CMSS1: variants seen among roughly 807,000 people sequenced by gnomAD.
CMSS1 encodes protein CMSS1.
CMSS1 carries 33 observed loss-of-function variants against 43.5 expected under a neutral mutation model. That is an observed-to-expected ratio of 0.76 (90% CI 0.57 to 1.01). The LOEUF (loss-of-function observed/expected upper bound fraction) is 1.01, where lower values mean the gene tolerates loss of function less well. Among genes scored for constraint, CMSS1 ranks in the 50% least tolerant of loss-of-function variants. CMSS1 has a pLI of 0.00. For synonymous variants in CMSS1, 115 were observed against 117.2 expected (o/e 0.98, Z 0.12); for missense variants, 313 against 326.4 (o/e 0.96, Z 0.32).
rs1018584534 is a variant in CMSS1, at chr3:99,937,185, G to A, written c.64+119142G>A. Among the ~76,000 whole-genome samples, 9 of 152,020 alleles carry A rather than the reference G, an allele frequency of 5.9e-5. No individual in the cohort carries two copies. The East Asian group carries it at 9.6e-4, about 16-fold the overall frequency. On this transcript the variant is annotated intron_variant, in intron 1 of 9. Transcript: ENST00000421999. ...ACTCCTGACCACAGGTGATCCACCC[G>A]CCTCAGCCTCCCAAAGTGCTGGGAT... is the stretch of plus-strand genomic sequence containing the variant.
intron 1 of CMSS1, among the ~76,000 whole-genome samples, chr3:100,090,642 T>C (rs921907756): frequency 1.3e-5 from 2 of 152,202 alleles, no homozygotes; most frequent in African/African-American, 4.8e-5. Context: ...GTGTTCTCTG[T>C]AGCATTTCCC....
At chr3:99,826,646 G>A (rs1942541550) in intron 1 of CMSS1, among the ~76,000 whole-genome samples, 1 of 152,182 alleles carries the variant, frequency 6.6e-6, no homozygotes, top group Non-Finnish European at 1.5e-5. Context: ...GTCTTCAGGA[G>A]AAGAAATTTG....
At chr3:100,071,161 C>T (rs923506463) in intron 1 of CMSS1, among the ~76,000 whole-genome samples, 1 of 148,042 alleles carries the variant, frequency 6.8e-6, no homozygotes, top group Non-Finnish European at 1.5e-5. Context: ...ATAATTACCC[C>T]CTATTTCAGA....
At chr3:100,000,715 T>C (rs1032041696) in intron 1 of CMSS1, among the ~76,000 whole-genome samples, 2 of 152,222 alleles carry the variant, frequency 1.3e-5, no homozygotes, top group South Asian at 2.1e-4. Flanking sequence ...ACTCTGTCTC[T>C]TAAAAAAATT....
rs146325265 is a variant in CMSS1 at position 99,852,509 on chromosome 3, G to A, written c.64+34466G>A. Among the ~76,000 whole-genome samples the A allele has an allele frequency of 9.9e-5, 15 of 152,048 alleles. No homozygotes were observed. In the East Asian group the frequency reaches 2.9e-3, roughly 29 times the overall value. ...TCGCCAGGCTGGAGTGCAGTGGGGC[G>A]ATCTCGACTCACTGCAACCTCTGAC... On this transcript the variant is annotated intron_variant, in intron 1 of 9. Transcript: ENST00000421999.
intron 1 of CMSS1, among the ~76,000 whole-genome samples, chr3:100,055,896 A>T (rs767633898): frequency 5.3e-5 from 8 of 152,224 alleles, no homozygotes; most frequent in Non-Finnish European, 1.2e-4. Context: ...CAAGGAGTCC[A>T]AAGATTATCT....
chr3:99,985,163 A>T (rs543882406), intron 1 of CMSS1, among the ~76,000 whole-genome samples: 2 of 152,290 alleles, frequency 1.3e-5, no homozygotes, highest in South Asian at 4.1e-4. Context: ...TTGAACAAAA[A>T]ATCATCCTAG....
At chr3:99,833,445 T>C (rs532670545) in intron 1 of CMSS1, among the ~76,000 whole-genome samples, 2 of 152,270 alleles carry the variant, frequency 1.3e-5, no homozygotes, top group South Asian at 4.2e-4. Context: ...GGTGAAGTGT[T>C]TTCAGTTGTA....
chr3:99,880,397 A>G (rs953121902), intron 1 of CMSS1, among the ~76,000 whole-genome samples: 2 of 152,124 alleles, frequency 1.3e-5, no homozygotes, highest in African/African-American at 4.8e-5. Flanking sequence ...TATATATATG[A>G]ACTGCAGGTC....
At chr3:100,115,245 C>T (rs1323685726) in intron 1 of CMSS1, among the ~76,000 whole-genome samples, 3 of 152,088 alleles carry the variant, frequency 2.0e-5, no homozygotes, top group South Asian at 2.1e-4. Flanking sequence ...TCAAGTCATG[C>T]ATTATCTAAT....
intron 2 of CMSS1, among the ~76,000 whole-genome samples, chr3:100,157,167 C>G (rs188184402): frequency 2.0e-5 from 3 of 152,242 alleles, no homozygotes; most frequent in Admixed American, 1.3e-4. Context: ...TTTTTCATCT[C>G]TTTCTGGGAC....
At chr3:100,061,877 T>C (rs2065572396) in intron 1 of CMSS1, among the ~76,000 whole-genome samples, 1 of 152,128 alleles carries the variant, frequency 6.6e-6, no homozygotes, top group Admixed American at 6.5e-5. Flanking sequence ...TTTATTGTGG[T>C]AAAATATATA....
At chr3:99,948,831 T>C (rs527730975) in intron 1 of CMSS1, among the ~76,000 whole-genome samples, 20 of 152,108 alleles carry the variant, frequency 1.3e-4, no homozygotes, top group Admixed American at 2.0e-4. Flanking sequence ...TAAGACATCA[T>C]CAGGGTTGGA....
intron 1 of CMSS1, among the ~76,000 whole-genome samples, chr3:100,021,960 T>TGTGAGAGAGAGA (rs1321185364): frequency 2.1e-5 from 2 of 93,332 alleles, no homozygotes; most frequent in African/African-American, 4.0e-5. Context: ...TGTGTGTGTG[T>TGTGAGAGAGAGA]GAGAGAGAGA....
chr3:99,974,900 G>A (rs142931985), intron 1 of CMSS1, among the ~76,000 whole-genome samples: 1 of 152,224 alleles, frequency 6.6e-6, no homozygotes, highest in African/African-American at 2.4e-5. Flanking sequence ...CATACCAGGT[G>A]GATTCAGTCC....
At chr3:99,966,284 G>T (rs1007750933) in intron 1 of CMSS1, among the ~76,000 whole-genome samples, 2 of 152,118 alleles carry the variant, frequency 1.3e-5, no homozygotes, top group African/African-American at 4.8e-5. Context: ...TCAACTCCAG[G>T]CAGATCTCCT....
chr3:99,974,801 T>C (rs1708922928), intron 1 of CMSS1, among the ~76,000 whole-genome samples: 1 of 152,234 alleles, frequency 6.6e-6, no homozygotes, highest in Non-Finnish European at 1.5e-5. Context: ...CATTTACTTA[T>C]ATTCAAATAA....
intron 1 of CMSS1, among the ~76,000 whole-genome samples, chr3:100,035,228 A>G (rs1299201145): frequency 6.6e-6 from 1 of 152,218 alleles, no homozygotes; most frequent in African/African-American, 2.4e-5. Context: ...AATTAAATTC[A>G]TAAATGAATG....
rs971612603 is a variant in CMSS1, at chr3:100,176,328, T to C, written c.669T>C (p.Gly223=). 1.2e-6 allele frequency: 2 copies of C among 1,605,384 alleles called. No individual in the cohort carries two copies. Among genetic ancestry groups the C allele is most frequent in the Non-Finnish European group, 8.5e-7 (1 of 1,172,260 alleles). ...CAACTCTCTTCCTGTCTCTTTCAGGTGGCCTTAATTTGAGCCCCTTAAAAT... is the reference window on the plus strand; with the variant it reads ...CAACTCTCTTCCTGTCTCTTTCAGGCGGCCTTAATTTGAGCCCCTTAAAAT... ...PGRIKELVKQ[G]GLNLSPLKFL... The change falls in exon 9 of 10, where the codon GGT becomes GGC. Residue 223 remains glycine (G), a splice_region_variant and synonymous_variant. Coordinates refer to ENST00000421999, the MANE Select transcript of CMSS1 (RefSeq NM_032359.4).
Sources: gnomAD v4.1 joint callset for allele counts (sites outside exome capture counted in the v4.1 genomes callset) on GRCh38, gnomAD v4.1.1 for gene constraint, MANE v1.5 for transcripts, NCBI Gene and HGNC (gene_info 2026-07-23, HGNC 2026-07-21) for gene names.